Variants in LAMA1 observed in about 807,000 individuals in gnomAD.
The protein encoded by LAMA1 is laminin subunit alpha 1, also known as laminin subunit alpha-1.
In LAMA1, 219 loss-of-function variants were observed where a neutral mutation model predicts 348.7. The observed-to-expected ratio is 0.63, with a 90% CI of 0.56 to 0.70. The LOEUF is 0.70. Ranked by LOEUF, LAMA1 falls within the 30% of genes least tolerant of loss-of-function variation. The pLI, the probability that LAMA1 is intolerant of heterozygous loss-of-function variation, is 0.00. For synonymous variants in LAMA1, 1,487 were observed against 1,491.0 expected, an observed-to-expected ratio of 1.00 and a Z score of 0.06; for missense variants, 3,744 against 3,888.0, an observed-to-expected ratio of 0.96 and a Z score of 0.99.
intron 3 of LAMA1, among the ~76,000 whole-genome samples, chr18:7,062,235 G>T (rs2058105014): frequency 6.6e-6 from 1 of 152,180 alleles, no homozygotes; most frequent in South Asian, 2.1e-4. Flanking sequence ...GGGTGTTGGG[G>T]GAAGGCCCAT....
At chr18:6,990,745 C>T (rs2057755151) in intron 36 of LAMA1, among the ~76,000 whole-genome samples, 2 of 152,216 alleles carry the variant, frequency 1.3e-5, no homozygotes, top group Admixed American at 6.5e-5. Context: ...TCGATGTCTC[C>T]GACTGTCCAA....
In LAMA1 at chr18:7,013,913, G is replaced by C; in HGVS notation, c.3265C>G (p.Pro1089Ala). The change falls in exon 23 of 63, where the codon CCC becomes GCC. Residue 1089 changes from proline to alanine, a missense_variant. Around this residue, in one of 3 missense-constraint regions of LAMA1, gnomAD observed 1,529 missense variants for 1,689.4 expected, o/e 0.91. Coordinates refer to ENST00000389658, the MANE Select transcript of LAMA1 (RefSeq NM_005559.4). Reference protein sequence around the residue: ...LGYRDFPDCVPCDCDLRGTSG... With the variant: ...LGYRDFPDCVACDCDLRGTSG... ...GTCCCCCTCAGGTCACAGTCACAGG[G>C]AACACAGTCGGGAAAGTCTCTGTAA... The C allele has an allele frequency of 1.2e-6, 2 of 1,613,640 alleles. No homozygotes were observed. The highest frequency in any genetic ancestry group is 1.1e-5 in the South Asian group (1 of 90,982).
At chr18:6,982,302 C>T (rs962706716) in intron 41 of LAMA1, among the ~76,000 whole-genome samples, 195 bp downstream of exon 41, 4 of 151,894 alleles carry the variant, frequency 2.6e-5, no homozygotes, top group Non-Finnish European at 4.4e-5. Context: ...AATAAAAATG[C>T]CAAATTATAT....
intron 3 of LAMA1, among the ~76,000 whole-genome samples, chr18:7,059,393 C>G (rs1194295417): frequency 6.6e-6 from 1 of 152,146 alleles, no homozygotes; most frequent in African/African-American, 2.4e-5. Context: ...AATCCACTTT[C>G]ATCACGATTT....
rs927113647 is a variant in LAMA1, at chr18:7,016,499, C to T, written c.2981G>A (p.Ser994Asn). ...AGGAAATCAAGGCTTACGTGTACAGCTACCATCCTGGTAGGCGTAGAAGCC... is the reference window on the plus strand; with the variant it reads ...AGGAAATCAAGGCTTACGTGTACAGTTACCATCCTGGTAGGCGTAGAAGCC... Reference protein sequence around the residue: ...AHGFYAYQDGSCTPCDCPHTQ... With the variant: ...AHGFYAYQDGNCTPCDCPHTQ... Residue 994 changes from serine to asparagine, a missense_variant, in exon 21 of 63, where the codon AGC becomes AAC. This residue lies in a region of LAMA1 where 1,529 missense variants were observed against 1,689.4 expected (regional missense o/e 0.91). Transcript: ENST00000389658. 1 of 1,614,074 alleles carries T rather than the reference C, an allele frequency of 6.2e-7. No individual in the cohort carries two copies. The highest frequency in any genetic ancestry group is 1.3e-5 in the African/African-American group (1 of 74,946).
intron 22 of LAMA1, 151 bp downstream of exon 22, chr18:7,015,571 T>C (rs2057883276): frequency 1.0e-6 from 1 of 952,554 alleles, no homozygotes; most frequent in South Asian, 1.5e-5. Context: ...TGAGCCACTG[T>C]GCCTGGCCCA....
intron 30 of LAMA1, 117 bp from the exon 31 acceptor site, chr18:7,000,114 C>T (rs1434898861): frequency 3.9e-6 from 3 of 774,924 alleles, no homozygotes; most frequent in Non-Finnish European, 4.4e-6. Flanking sequence ...TGTGATTACA[C>T]ATAGCTTTTT....
Position 6,949,241 on chromosome 18 carries a change from T to G in LAMA1, c.8416A>C (p.Lys2806Gln). 6.2e-7 allele frequency: 1 copy of G among 1,614,216 alleles called. No homozygotes were observed. The highest frequency in any genetic ancestry group is 8.5e-7 in the Non-Finnish European group (1 of 1,180,042). The part of the protein sequence containing the change: ...KWHTVKTDYV[K>Q]RKGFITVDGR... Reference sequence around the variant, plus strand: ...TCGACAGTTATGAAGCCTTTTCTTTTAACATAGTCTGTCTTGACCTACAGC... The same window carrying G: ...TCGACAGTTATGAAGCCTTTTCTTTGAACATAGTCTGTCTTGACCTACAGC... The change falls in exon 59 of 63, where the codon AAA (lysine) becomes CAA (glutamine). Residue 2806 changes from lysine (K) to glutamine (Q), a missense_variant. Around this residue, in one of 3 missense-constraint regions of LAMA1, gnomAD observed 1,983 missense variants for 1,934.3 expected, o/e 1.03. Transcript: ENST00000389658.
In LAMA1 at chr18:7,024,480, A is replaced by C. The variant is rs747028300; in HGVS notation, c.2403-14T>G. 6.2e-7 allele frequency: 1 copy of C among 1,607,614 alleles called. No individual in the cohort carries two copies. ...GTGGGGCTGAAACTGTCAAAACATT[A>C]GAAATGAACAAAATTTTCCAATGGA... On this transcript the variant is annotated splice_polypyrimidine_tract_variant and intron_variant, in intron 17 of 62. Coordinates refer to ENST00000389658, the MANE Select transcript of LAMA1 (RefSeq NM_005559.4).
chr18:7,083,007 AG>A (rs202224438), intron 1 of LAMA1, among the ~76,000 whole-genome samples: 1 of 151,340 alleles, frequency 6.6e-6, no homozygotes, highest in Non-Finnish European at 1.5e-5. Flanking sequence ...GGAGTCATGG[AG>A]GCACCACACA....
At chr18:7,019,241 G>A (rs537065884) in intron 19 of LAMA1, among the ~76,000 whole-genome samples, 1 of 152,060 alleles carries the variant, frequency 6.6e-6, no homozygotes, top group East Asian at 1.9e-4. Flanking sequence ...AGCAGACTTC[G>A]GTCCCCCTCT....
rs540721440 is a variant in LAMA1, at chr18:6,948,115, T to A, written c.8710+288A>T. ...GCCCTTTCTTAACTTGGACAGTAAGTGTGCATTACAGAACCTGGGGAAACT... is the reference window on the plus strand; with the variant it reads ...GCCCTTTCTTAACTTGGACAGTAAGAGTGCATTACAGAACCTGGGGAAACT... On this transcript the variant is annotated intron_variant, in intron 60 of 62. Coordinates refer to ENST00000389658, the MANE Select transcript of LAMA1 (RefSeq NM_005559.4). Among the ~76,000 whole-genome samples the A allele has an allele frequency of 1.1e-3, 172 of 152,332 alleles. No homozygotes were observed. The Middle Eastern group carries it at 0.031, about 27-fold the overall frequency.
At chr18:6,985,942 AGAGACCGGG>A (rs1385543544) in intron 37 of LAMA1, among the ~76,000 whole-genome samples, 186 bp downstream of exon 37, 1 of 152,120 alleles carries the variant, frequency 6.6e-6, no homozygotes, top group Non-Finnish European at 1.5e-5. Context: ...TATTTTTAGT[AGAGACCGGG>A]GTTTCACCAT....
chr18:7,003,253 TTG>T (rs1189731570), intron 29 of LAMA1, among the ~76,000 whole-genome samples: 1 of 128,724 alleles, frequency 7.8e-6, no homozygotes, highest in Non-Finnish European at 1.6e-5. Context: ...CTTATTTTGG[TTG>T]TTTTTTTTTT....
At chr18:7,093,183 G>A (rs996518786) in intron 1 of LAMA1, among the ~76,000 whole-genome samples, 13 of 152,156 alleles carry the variant, frequency 8.5e-5, no homozygotes, top group African/African-American at 1.4e-4. Flanking sequence ...TTGGGAGGCC[G>A]AGGCGGGCGG....
At chr18:7,105,609 A>C (rs1272130619) in intron 1 of LAMA1, among the ~76,000 whole-genome samples, 1 of 152,214 alleles carries the variant, frequency 6.6e-6, no homozygotes, top group Admixed American at 6.5e-5. Context: ...TGGCCCAGAT[A>C]ATCCCAAAGA....
intron 57 of LAMA1, 91 bp from the exon 58 acceptor site, chr18:6,951,062 T>A (rs2057544683): frequency 9.0e-7 from 1 of 1,116,242 alleles, no homozygotes; most frequent in Admixed American, 2.0e-5. Context: ...TGTTTCAGCG[T>A]TTACATTGAA....
intron 35 of LAMA1, among the ~76,000 whole-genome samples, 166 bp from the exon 36 acceptor site, chr18:6,992,886 C>T (rs1298267253): frequency 6.6e-6 from 1 of 152,218 alleles, no homozygotes; most frequent in African/African-American, 2.4e-5. Context: ...CTCTGCACAT[C>T]CCCTAACTAA....
At chr18:7,063,174 G>A (rs1440555593) in intron 3 of LAMA1, among the ~76,000 whole-genome samples, 1 of 152,156 alleles carries the variant, frequency 6.6e-6, no homozygotes, top group Non-Finnish European at 1.5e-5. Flanking sequence ...CTAGAGAGAT[G>A]AGAAAGTATT....
Sources: gnomAD v4.1 joint callset for allele counts (sites outside exome capture counted in the v4.1 genomes callset) on GRCh38, gnomAD v4.1.1 for gene constraint, gnomAD v4.1.1 regional missense constraint, MANE v1.5 for transcripts, NCBI Gene and HGNC (gene_info 2026-07-23, HGNC 2026-07-21) for gene names.